Variants in RAB11FIP5 observed in about 807,000 individuals in gnomAD.
RAB11FIP5 encodes the protein rab11 family-interacting protein 5.
RAB11FIP5 carries 48 observed loss-of-function variants against 85.1 expected under a neutral mutation model. The ratio of observed to expected loss-of-function variants is 0.56; its 90% CI spans 0.45 to 0.72. The LOEUF is 0.72. Among genes scored for constraint, RAB11FIP5 ranks in the 30% least tolerant of loss-of-function variants. The probability of loss-of-function intolerance (pLI) is 0.00; values close to 1 mark genes in which losing one functional copy is unlikely to be tolerated. For synonymous variants in RAB11FIP5, 729 were observed against 727.3 expected, an observed-to-expected ratio of 1.00 and a Z score of -0.04; for missense variants, 1,491 against 1,687.0, an observed-to-expected ratio of 0.88 and a Z score of 2.04.
intron 1 of RAB11FIP5, among the ~76,000 whole-genome samples, chr2:73,104,504 G>A (rs1034567349): frequency 6.6e-6 from 1 of 152,194 alleles, no homozygotes; most frequent in Non-Finnish European, 1.5e-5. Context: ...GGAGGCGGAG[G>A]CTGTAGTGAG....
In RAB11FIP5 at chr2:73,080,677, C is replaced by T. The variant is rs186688120; in HGVS notation, c.2555G>A (p.Arg852Gln). Residue 852 changes from arginine (R) to glutamine (Q), a missense_variant, in exon 4 of 6, where the codon CGG becomes CAG. Physicochemically the swap from Arg to Gln is conservative, Grantham distance 43. Around this residue, in one of 3 missense-constraint regions of RAB11FIP5, gnomAD observed 1,211 missense variants for 1,338.0 expected, o/e 0.91. Coordinates refer to ENST00000486777, the MANE Select transcript of RAB11FIP5 (RefSeq NM_001371272.1). ...PAAETASLVF[R>Q]GESDEPAPQV... ...GGGAGCAGGCTCATCAGACTCTCCCCGAAAGACTAGTGAGGCTGTCTCAGC... is the reference window on the plus strand; with the variant it reads ...GGGAGCAGGCTCATCAGACTCTCCCTGAAAGACTAGTGAGGCTGTCTCAGC... 924 of 1,232,444 alleles carry T rather than the reference C, an allele frequency of 7.5e-4. 4 individuals carry two copies. The African/African-American group carries it at 0.01, about 14-fold the overall frequency. 76.3% of individuals were successfully genotyped at this position (1,232,444 alleles called of 1,614,324 possible).
intron 3 of RAB11FIP5, among the ~76,000 whole-genome samples, chr2:73,085,727 G>A (rs531287807): frequency 2.3e-3 from 352 of 152,218 alleles, no homozygotes; most frequent in Non-Finnish European, 4.3e-3. Flanking sequence ...CCTTCCCCAC[G>A]GCAGCAGCCT....
rs933170992 is a variant in RAB11FIP5, at chr2:73,078,953, G to A, written c.3581+698C>T. Among the ~76,000 whole-genome samples, 10 of 152,148 alleles carry A rather than the reference G, an allele frequency of 6.6e-5. No homozygotes were observed. Among genetic ancestry groups the A allele is most frequent in the Admixed American group, 5.9e-4 (9 of 15,278 alleles). ...AGTGAGCACAGTCACACAGGCATCC[G>A]CTGTCCACTCAGCGGTCCTAAGTGC... is the stretch of plus-strand genomic sequence containing the variant. On this transcript the variant is annotated intron_variant, in intron 4 of 5. Transcript: ENST00000486777. The surrounding 1 kb of genome is among the most constrained non-coding windows in gnomAD (Gnocchi z 4.4).
Position 73,081,386 on chromosome 2 carries a change from T to C in RAB11FIP5, c.1846A>G (p.Ile616Val), listed in dbSNP as rs1323291765. ...GCAGGTGAAGGAGAGTTTAGTGCTA[T>C]GTCGGCTATGAGCTCCTCGAAGAAG... is the stretch of plus-strand genomic sequence containing the variant. ...NPFFEELIADIALNSPSPAPS... is the reference protein window; with the variant it reads ...NPFFEELIADVALNSPSPAPS... Residue 616 changes from isoleucine to valine, a missense_variant, in exon 4 of 6, where the codon ATA (isoleucine) becomes GTA (valine). Coordinates refer to ENST00000486777, the MANE Select transcript of RAB11FIP5 (RefSeq NM_001371272.1). The surrounding 1 kb of genome is among the most constrained non-coding windows in gnomAD (Gnocchi z 4.2). 4.1e-6 allele frequency: 5 copies of C among 1,232,480 alleles called. No individual in the cohort carries two copies. The highest frequency in any genetic ancestry group is 1.6e-5 in the African/African-American group (1 of 64,398). 76.3% of individuals were successfully genotyped at this position (1,232,480 alleles called of 1,614,324 possible). A position where few individuals can be genotyped will look rare whatever the true frequency, so the allele number is the denominator to read the frequency against.
At chr2:73,095,204 T>C (rs1183330348) in intron 1 of RAB11FIP5, among the ~76,000 whole-genome samples, 1 of 152,180 alleles carries the variant, frequency 6.6e-6, no homozygotes, top group African/African-American at 2.4e-5. Context: ...AGGGTTTTGA[T>C]GAAGATGGTG....
intron 4 of RAB11FIP5, 88 bp from the exon 5 acceptor site, chr2:73,076,270 T>A (rs1683860554): frequency 2.4e-6 from 3 of 1,275,906 alleles, no homozygotes; most frequent in Non-Finnish European, 3.3e-6. Flanking sequence ...AGCCTCCAGG[T>A]CTGCTGGACA....
chr2:73,108,168 G>C (rs906472350), intron 1 of RAB11FIP5, among the ~76,000 whole-genome samples: 6 of 152,360 alleles, frequency 3.9e-5, no homozygotes, highest in African/African-American at 1.4e-4. Context: ...CACAGTCTAA[G>C]CAGGGGCTGA....
At chr2:73,105,538 C>T (rs1282810956) in intron 1 of RAB11FIP5, among the ~76,000 whole-genome samples, 3 of 152,070 alleles carry the variant, frequency 2.0e-5, no homozygotes, top group Non-Finnish European at 4.4e-5. Context: ...CCACCACACC[C>T]AGCCCTCACT....
At chr2:73,085,839 G>A (rs1478941829) in intron 3 of RAB11FIP5, among the ~76,000 whole-genome samples, 2 of 152,138 alleles carry the variant, frequency 1.3e-5, no homozygotes, top group Non-Finnish European at 2.9e-5. Context: ...TCCTAGTGAG[G>A]AACATCCCAC....
chr2:73,110,472 C>T (rs74958105), intron 1 of RAB11FIP5, among the ~76,000 whole-genome samples: 2,766 of 140,394 alleles, frequency 0.02, 80 homozygotes, highest in African/African-American at 0.077. Flanking sequence ...ACCCTCCCCA[C>T]TCCTGTTCCC....
chr2:73,075,892 G>T lies in RAB11FIP5; in HGVS notation c.3771+101C>A, dbSNP rs2106099434. 6.8e-7 allele frequency: 1 copy of T among 1,473,196 alleles called. No homozygotes were observed. Among genetic ancestry groups the T allele is most frequent in the South Asian group, 1.3e-5 (1 of 77,680 alleles). The allele number at this position is 1,473,196 out of a possible 1,614,324, so 91.3% of individuals were successfully genotyped here. A position where few individuals can be genotyped will look rare whatever the true frequency, so the allele number is the denominator to read the frequency against. ...CTAACTGGCTTCAGGACTCTGATATGGGGGACCTGGCCTGCTCCCTGCCCC... is the reference window on the plus strand; with the variant it reads ...CTAACTGGCTTCAGGACTCTGATATTGGGGACCTGGCCTGCTCCCTGCCCC... On this transcript the variant is annotated intron_variant, in intron 5 of 5. Transcript: ENST00000486777. This position sits in a 1 kb window ranked among gnomAD's most constrained non-coding sequence, Gnocchi z 4.6.
intron 3 of RAB11FIP5, among the ~76,000 whole-genome samples, chr2:73,082,808 G>A (rs924287479): frequency 6.6e-6 from 1 of 152,190 alleles, no homozygotes; most frequent in Non-Finnish European, 1.5e-5. Context: ...GAGTGAGGCC[G>A]ACTCCAGAGA....
At chr2:73,107,709 G>A (rs1389242803) in intron 1 of RAB11FIP5, among the ~76,000 whole-genome samples, 34 of 152,308 alleles carry the variant, frequency 2.2e-4, no homozygotes, top group Non-Finnish European at 1.3e-4. Context: ...TAAGGGCCGT[G>A]GAGCCTCGGC....
At position 73,075,192 on chromosome 2, in the gene RAB11FIP5, T is replaced by C. The variant is rs1683827204; in HGVS notation, c.*329A>G. ...TGCTAGCAACCAGTCTTGTCCCAGA[T>C]TACTGCATCAAGCTACAGTTCACCC... On this transcript the variant is annotated 3_prime_UTR_variant, in exon 6 of 6. Transcript: ENST00000486777. This position sits in a 1 kb window ranked among gnomAD's most constrained non-coding sequence, Gnocchi z 4.6. The C allele has an allele frequency of 3.2e-6, 2 of 621,268 alleles. No homozygotes were observed. Among genetic ancestry groups the C allele is most frequent in the East Asian group, 6.7e-5 (2 of 29,652 alleles). The allele number at this position is 621,268 out of a possible 1,614,324, so 38.5% of individuals were successfully genotyped here.
chr2:73,092,570 A>C (rs556276474), intron 1 of RAB11FIP5, among the ~76,000 whole-genome samples: 3 of 152,282 alleles, frequency 2.0e-5, no homozygotes, highest in East Asian at 3.9e-4. Context: ...CCTCAGAGGA[A>C]GGCGGGAGGC....
intron 3 of RAB11FIP5, 123 bp downstream of exon 3, chr2:73,087,927 A>C (rs1684119452): frequency 1.0e-6 from 1 of 984,144 alleles, no homozygotes; most frequent in Non-Finnish European, 1.5e-6. Flanking sequence ...AACCATGCAA[A>C]GCCAGAGCCC....
rs180699717 is a variant in RAB11FIP5, at chr2:73,079,593, G to T, written c.3581+58C>A. 35 of 1,232,454 alleles carry T rather than the reference G, an allele frequency of 2.8e-5. No individual in the cohort carries two copies. In the East Asian group the frequency reaches 9.8e-4, roughly 34 times the overall value. The allele number at this position is 1,232,454 out of a possible 1,614,324, so 76.3% of individuals were successfully genotyped here. On this transcript the variant is annotated intron_variant, in intron 4 of 5. Coordinates refer to ENST00000486777, the MANE Select transcript of RAB11FIP5 (RefSeq NM_001371272.1). ...TGTGAACCCCTCAGTCCCTTGGGCT[G>T]TTCTGCCCCCTGTCCACCCCCTTCC... is the stretch of plus-strand genomic sequence containing the variant.
At chr2:73,105,209 G>A (rs534399079) in intron 1 of RAB11FIP5, among the ~76,000 whole-genome samples, 4 of 152,232 alleles carry the variant, frequency 2.6e-5, no homozygotes, top group South Asian at 2.1e-4. Flanking sequence ...GGTGGAAAGT[G>A]AGGCTGACCT....
intron 1 of RAB11FIP5, among the ~76,000 whole-genome samples, chr2:73,110,327 A>G (rs1428075238): frequency 6.6e-6 from 1 of 152,232 alleles, no homozygotes; most frequent in Non-Finnish European, 1.5e-5. Context: ...ACCACCAGGA[A>G]TGACCACTAC....
Sources: gnomAD v4.1 joint callset for allele counts (sites outside exome capture counted in the v4.1 genomes callset) on GRCh38, gnomAD v4.1.1 for gene constraint, gnomAD v4.1.1 regional missense constraint, Gnocchi (gnomAD v3.1) non-coding constraint, MANE v1.5 for transcripts, NCBI Gene and HGNC (gene_info 2026-07-23, HGNC 2026-07-21) for gene names.